Variants in TCOF1 observed in about 807,000 individuals in gnomAD.
TCOF1 encodes treacle protein.
TCOF1 carries 33 observed loss-of-function variants against 149.0 expected under a neutral mutation model. The ratio of observed to expected loss-of-function variants is 0.22; its 90% CI spans 0.17 to 0.30. The LOEUF (loss-of-function observed/expected upper bound fraction) is 0.30. Among genes scored for constraint, TCOF1 ranks in the 10% least tolerant of loss-of-function variants. TCOF1 has a pLI of 1.00. For missense variants in TCOF1, 1,728 were observed against 1,840.7 expected (o/e 0.94, Z 1.12); for synonymous variants, 789 against 738.8 (o/e 1.07, Z -1.10).
rs1217988304 is a variant in TCOF1 at position 150,398,347 on chromosome 5, C to A, written c.4346-7C>A. ...GTTGTTCAGGAACTTTACTTTACTTCCCTTAGGAAAAAAAGACAAAGAAAA... is the reference window on the plus strand; with the variant it reads ...GTTGTTCAGGAACTTTACTTTACTTACCTTAGGAAAAAAAGACAAAGAAAA... On this transcript the variant is annotated splice_region_variant and splice_polypyrimidine_tract_variant and intron_variant, in intron 24 of 26. Coordinates refer to ENST00000643257, the MANE Select transcript of TCOF1 (RefSeq NM_001371623.1). 1 of 1,613,292 alleles carries A rather than the reference C, an allele frequency of 6.2e-7. No homozygotes were observed. Among genetic ancestry groups the A allele is most frequent in the Non-Finnish European group, 8.5e-7 (1 of 1,179,886 alleles).
intron 15 of TCOF1, 22 bp from the exon 16 acceptor site, chr5:150,379,207 C>G (rs755865630): frequency 1.9e-6 from 3 of 1,614,146 alleles, no homozygotes; most frequent in South Asian, 1.1e-5. Context: ...GCCTCCAATA[C>G]TATTATCCCC....
chr5:150,387,846 C>G (rs1766591817), intron 17 of TCOF1, 56 bp from the exon 18 acceptor site: 4 of 1,611,816 alleles, frequency 2.5e-6, no homozygotes, highest in Non-Finnish European at 3.4e-6. Flanking sequence ...CCATCACCTC[C>G]TTTCCCTGGC....
rs764395093 is a variant in TCOF1 at position 150,378,946 on chromosome 5, A to C, written c.2382A>C (p.Pro794=). 1.9e-6 allele frequency: 3 copies of C among 1,614,120 alleles called. No homozygotes were observed. The highest frequency in any genetic ancestry group is 2.5e-6 in the Non-Finnish European group (3 of 1,180,024). The stretch of plus-strand genomic sequence containing the variant: ...AGAAAACCCAGGCCAAAGCCAACCC[A>C]GCTGCCGCCAGAGCACCTTCAGCAA... The part of the protein sequence containing the change: ...SVKKTQAKAN[P]AAARAPSAKG... Residue 794 remains proline (P), a synonymous_variant, in exon 15 of 27, where the codon CCA becomes CCC. Coordinates refer to ENST00000643257, the MANE Select transcript of TCOF1 (RefSeq NM_001371623.1).
chr5:150,376,195 A>G lies in TCOF1; in HGVS notation c.2007A>G (p.Ala669=). The stretch of plus-strand genomic sequence containing the variant: ...TGGGCACCCAAGCCCCCCGGAAAGC[A>G]GGAACTGCGACTTCTCCAGCAGGCT... ...VRVGTQAPRK[A]GTATSPAGSS... The change falls in exon 13 of 27, where the codon GCA becomes GCG. Residue 669 remains alanine (A), a synonymous_variant. Transcript: ENST00000643257. 1.2e-6 allele frequency: 2 copies of G among 1,614,222 alleles called. No individual in the cohort carries two copies. The highest frequency in any genetic ancestry group is 1.7e-6 in the Non-Finnish European group (2 of 1,180,012).
In TCOF1 at chr5:150,367,872, A is replaced by G. The variant is rs1761696950; in HGVS notation, c.333A>G (p.Ser111=). 1 of 1,614,208 alleles carries G rather than the reference A, an allele frequency of 6.2e-7. No individual in the cohort carries two copies. Among genetic ancestry groups the G allele is most frequent in the Non-Finnish European group, 8.5e-7 (1 of 1,180,028 alleles). The stretch of plus-strand genomic sequence containing the variant: ...CAAGACTAGCATCTACCAACTCCTC[A>G]GTCCTGGGGGCGGACTTGCCATCAA... ...ATPRLASTNS[S]VLGADLPSSM... The change falls in exon 4 of 27, where the codon TCA becomes TCG. Residue 111 remains serine (S), a synonymous_variant. Transcript: ENST00000643257.
chr5:150,378,743 ACT>A (rs1764367122), intron 14 of TCOF1, 160 bp from the exon 15 acceptor site: 1 of 936,840 alleles, frequency 1.1e-6, no homozygotes, highest in Admixed American at 1.9e-5. Flanking sequence ...AGAGGACTGA[ACT>A]GAGGCCCAGT....
At chr5:150,381,149 G>A (rs551220483) in intron 17 of TCOF1, among the ~76,000 whole-genome samples, 2 of 152,318 alleles carry the variant, frequency 1.3e-5, no homozygotes, top group South Asian at 4.1e-4. Flanking sequence ...TGTGGAGATG[G>A]ACCTTCTGTG....
rs1481732271 is a variant in TCOF1, at chr5:150,364,180, G to A, written c.232G>A (p.Val78Met). The change falls in exon 3 of 27, where the codon GTG becomes ATG. Residue 78 changes from valine to methionine, a missense_variant. By Grantham distance (21) the Val-to-Met change is conservative. Coordinates refer to ENST00000643257, the MANE Select transcript of TCOF1 (RefSeq NM_001371623.1). ...DAALQAKKTRVSDPISTSESS... is the reference protein window; with the variant it reads ...DAALQAKKTRMSDPISTSESS... ...GGCACTGCAAGCTAAGAAAACCCGT[G>A]TGTCAGACCCCATCAGCACCTCGGA... 1 of 1,614,158 alleles carries A rather than the reference G, an allele frequency of 6.2e-7. No homozygotes were observed. Among genetic ancestry groups the A allele is most frequent in the Non-Finnish European group, 8.5e-7 (1 of 1,180,034 alleles).
At chr5:150,397,296 T>C (rs982685290) in intron 24 of TCOF1, among the ~76,000 whole-genome samples, 8 of 152,102 alleles carry the variant, frequency 5.3e-5, no homozygotes. Flanking sequence ...TCATGTCCTC[T>C]TTCCCCAAGC....
intron 17 of TCOF1, chr5:150,380,025 T>C: frequency 2.5e-6 from 1 of 395,820 alleles, no homozygotes; most frequent in Admixed American, 3.6e-5. Flanking sequence ...CAAGCCAAGA[T>C]CATGCCACTG....
intron 17 of TCOF1, among the ~76,000 whole-genome samples, chr5:150,381,487 C>A (rs1200066306): frequency 6.6e-6 from 1 of 152,204 alleles, no homozygotes; most frequent in Non-Finnish European, 1.5e-5. Flanking sequence ...GATGACCAGG[C>A]ACAAAAGTGG....
chr5:150,383,305 T>G, intron 17 of TCOF1: 1 of 746,306 alleles, frequency 1.3e-6, no homozygotes, highest in Non-Finnish European at 2.1e-6. Context: ...TCCAGAGCTC[T>G]TTCCTCTATT....
At chr5:150,364,357 T>C in intron 3 of TCOF1, 105 bp downstream of exon 3, 1 of 1,533,528 alleles carries the variant, frequency 6.5e-7, no homozygotes, top group Non-Finnish European at 8.9e-7. Context: ...TAAAAGACCC[T>C]GGGGAGGAGA....
rs371535526 is a variant in TCOF1, at chr5:150,392,749, G to T, written c.3562G>T (p.Ala1188Ser). The T allele has an allele frequency of 6.2e-7, 1 of 1,613,948 alleles. No homozygotes were observed. Among genetic ancestry groups the T allele is most frequent in the Non-Finnish European group, 8.5e-7 (1 of 1,180,008 alleles). ...SRTETLVEET[A>S]AESSEDDVVA... ...GACAGAGACCCTGGTGGAGGAGACC[G>T]CAGCAGAGTCCAGCGAGGATGATGT... The change falls in exon 22 of 27, where the codon GCA (alanine) becomes TCA (serine). Residue 1188 changes from alanine (A) to serine (S), a missense_variant. Physicochemically the swap from Ala to Ser is moderately conservative, Grantham distance 99. Around this residue, in one of 2 missense-constraint regions of TCOF1, gnomAD observed 1,696 missense variants for 1,765.4 expected, o/e 0.96. Coordinates refer to ENST00000643257, the MANE Select transcript of TCOF1 (RefSeq NM_001371623.1).
intron 2 of TCOF1, among the ~76,000 whole-genome samples, chr5:150,363,230 C>T (rs1481512794): frequency 7.9e-5 from 12 of 152,136 alleles, no homozygotes; most frequent in Non-Finnish European, 1.3e-4. Context: ...GGAAAAGAGG[C>T]AGAATAAATT....
rs373091130 is a variant in TCOF1, at chr5:150,374,734, G to A, written c.1201G>A (p.Ala401Thr). Residue 401 changes from alanine (A) to threonine (T), a missense_variant, in exon 9 of 27, where the codon GCC becomes ACC. This residue lies in a region of TCOF1 where 1,696 missense variants were observed against 1,765.4 expected (regional missense o/e 0.96). Transcript: ENST00000643257. The stretch of plus-strand genomic sequence containing the variant: ...GAAGACAGGGCCTGCAGTTGCCAAG[G>A]CCCAGGCGGGGAAGCGGGAGGAGGA... ...PGKTGPAVAK[A>T]QAGKREEDSQ... The A allele has an allele frequency of 6.2e-7, 1 of 1,613,012 alleles. No homozygotes were observed. The highest frequency in any genetic ancestry group is 8.5e-7 in the Non-Finnish European group (1 of 1,179,748).
intron 23 of TCOF1, chr5:150,393,884 G>A (rs1423498221): frequency 2.2e-5 from 8 of 364,110 alleles, no homozygotes; most frequent in Admixed American, 1.6e-4. Context: ...GATGGTGCAC[G>A]CTTGTAGTCC....
At chr5:150,393,650 T>C (rs567016536) in intron 23 of TCOF1, 98 bp downstream of exon 23, 18 of 1,503,650 alleles carry the variant, frequency 1.2e-5, no homozygotes, top group Non-Finnish European at 1.5e-5. Flanking sequence ...CCCAACATGG[T>C]CCTGTCTGCC....
At chr5:150,371,736 G>T (rs145257964) in intron 6 of TCOF1, among the ~76,000 whole-genome samples, 2 of 152,216 alleles carry the variant, frequency 1.3e-5, no homozygotes, top group African/African-American at 2.4e-5. Flanking sequence ...GGAGATGAAC[G>T]TAATGGTTTT....
Sources: gnomAD v4.1 joint callset for allele counts (sites outside exome capture counted in the v4.1 genomes callset) on GRCh38, gnomAD v4.1.1 for gene constraint, gnomAD v4.1.1 regional missense constraint, MANE v1.5 for transcripts, NCBI Gene and HGNC (gene_info 2026-07-23, HGNC 2026-07-21) for gene names.